Variants in TSPEAR observed in about 807,000 individuals in gnomAD.
TSPEAR encodes the protein thrombospondin-type laminin G domain and EAR repeat-containing protein.
A neutral mutation model predicts 71.6 loss-of-function variants in TSPEAR; 69 were observed. That is an observed-to-expected ratio of 0.96 (90% CI 0.79 to 1.18). The LOEUF (loss-of-function observed/expected upper bound fraction) is 1.18, where lower values mean the gene tolerates loss of function less well. TSPEAR is among the 50% of genes most tolerant of loss of function. TSPEAR has a pLI of 0.00. For synonymous variants in TSPEAR, 402 were observed against 387.2 expected, an observed-to-expected ratio of 1.04 and a Z score of -0.45; for missense variants, 971 against 894.9, an observed-to-expected ratio of 1.09 and a Z score of -1.09.
chr21:44,682,161 G>A (rs782289344), intron 1 of TSPEAR: 5 of 1,602,320 alleles, frequency 3.1e-6, no homozygotes, highest in Non-Finnish European at 4.3e-6. Flanking sequence ...GCAGAGGGCA[G>A]TGATGTCTGG....
chr21:44,533,836 G>A lies in TSPEAR; in HGVS notation c.391C>T (p.Leu131=), dbSNP rs2053027232. The A allele has an allele frequency of 1.9e-6, 3 of 1,612,570 alleles. No individual in the cohort carries two copies. The South Asian group carries it at 3.3e-5, about 18-fold the overall frequency. ...LRLSPAQLHF[L]FLREDTAGAW... is the part of the protein sequence containing the mutation. Reference sequence around the variant, plus strand: ...CCGGCCGTGTCCTCGCGAAGGAACAGGAAGTGCAGCTGGGCAGGTGACAAC... The same window carrying A: ...CCGGCCGTGTCCTCGCGAAGGAACAAGAAGTGCAGCTGGGCAGGTGACAAC... The change falls in exon 3 of 12, where the codon CTG becomes TTG. Residue 131 remains leucine, a synonymous_variant. Transcript: ENST00000323084.
chr21:44,693,882 A>G (rs1987218658), intron 1 of TSPEAR, among the ~76,000 whole-genome samples: 1 of 152,238 alleles, frequency 6.6e-6, no homozygotes, highest in African/African-American at 2.4e-5. Context: ...CTTGTATGTC[A>G]ACATTCTTTG....
chr21:44,626,835 A>T (rs1404730599), intron 1 of TSPEAR, among the ~76,000 whole-genome samples: 1 of 143,188 alleles, frequency 7.0e-6, no homozygotes, highest in Non-Finnish European at 1.5e-5. Flanking sequence ...CATCCCACCC[A>T]CCAGACGCCC....
chr21:44,504,819 A>G lies in TSPEAR; in HGVS notation c.1817T>C (p.Phe606Ser), dbSNP rs781980468. Residue 606 changes from phenylalanine to serine, a missense_variant, in exon 11 of 12, where the codon TTC (phenylalanine) becomes TCC (serine). By Grantham distance (155) the Phe-to-Ser change is radical. Transcript: ENST00000323084. The stretch of plus-strand genomic sequence containing the variant: ...GTTCACCGAGAAGGTACGCCCATCG[A>G]AGGAGTTGGCCACCACCAGGAAATA... Reference protein sequence around the residue: ...EDYFLVVANSFDGRTFSVNSI... With the variant: ...EDYFLVVANSSDGRTFSVNSI... 6.2e-7 allele frequency: 1 copy of G among 1,613,948 alleles called. No homozygotes were observed. Among genetic ancestry groups the G allele is most frequent in the Non-Finnish European group, 8.5e-7 (1 of 1,179,934 alleles).
At chr21:44,645,878 G>C (rs1348993013) in intron 1 of TSPEAR, among the ~76,000 whole-genome samples, 1 of 151,554 alleles carries the variant, frequency 6.6e-6, no homozygotes, top group Non-Finnish European at 1.5e-5. Flanking sequence ...GGTGGCTCAC[G>C]CCTGTAATCC....
rs1197418872 is a variant in TSPEAR at position 44,678,613 on chromosome 21, AAGTCCAATCC to A, written c.82+32810_82+32819del. On this transcript the variant is annotated intron_variant, in intron 1 of 11. Coordinates refer to ENST00000323084, the MANE Select transcript of TSPEAR (RefSeq NM_144991.3). Reference sequence around the variant, plus strand: ...ATACACCTATTCAACATAGTACTGGAAGTCCAATCCAGTGTAATCAGGTAAGAGATAGAAA... The same window carrying A: ...ATACACCTATTCAACATAGTACTGGAAGTGTAATCAGGTAAGAGATAGAAA... Among the ~76,000 whole-genome samples the A allele has an allele frequency of 4.7e-4, 71 of 152,326 alleles. 1 individual carries two copies. The highest frequency in any genetic ancestry group is 1.6e-3 in the African/African-American group (67 of 41,572).
chr21:44,647,158 TCCTCCTCTGTGTC>T, intron 1 of TSPEAR: 6 of 1,613,916 alleles, frequency 3.7e-6, no homozygotes, highest in Non-Finnish European at 5.1e-6. Flanking sequence ...CTGCAGACCC[TCCTCCTCTGTGTC>T]CCTCCTCTGC....
At chr21:44,639,828 AG>A (rs1469044020) in intron 1 of TSPEAR, among the ~76,000 whole-genome samples, 1 of 151,492 alleles carries the variant, frequency 6.6e-6, no homozygotes, top group Non-Finnish European at 1.5e-5. Flanking sequence ...TCCCTGTCCA[AG>A]GCACCGACAG....
intron 1 of TSPEAR, among the ~76,000 whole-genome samples, chr21:44,644,020 T>C (rs1984166136): frequency 6.6e-6 from 1 of 152,238 alleles, no homozygotes; most frequent in African/African-American, 2.4e-5. Context: ...GCAGAAGACC[T>C]GGCCGTGGGC....
intron 1 of TSPEAR, chr21:44,646,385 C>G: frequency 6.5e-7 from 1 of 1,540,034 alleles, no homozygotes; most frequent in Non-Finnish European, 8.8e-7. Flanking sequence ...CCCTGAGCAC[C>G]TCACTCACTC....
chr21:44,661,102 G>GTT (rs1403948654), intron 1 of TSPEAR, among the ~76,000 whole-genome samples: 2 of 151,902 alleles, frequency 1.3e-5, no homozygotes, highest in Non-Finnish European at 2.9e-5. Context: ...GGTGAAACCC[G>GTT]TCTCTACTAA....
At chr21:44,666,939 G>A (rs587628162) in intron 1 of TSPEAR, 188 of 1,566,884 alleles carry the variant, frequency 1.2e-4, no homozygotes, top group Non-Finnish European at 1.5e-4. Flanking sequence ...GTCTGGGGAC[G>A]GCCTCCCTGG....
chr21:44,647,528 C>A (rs1984514600), intron 1 of TSPEAR: 1 of 795,028 alleles, frequency 1.3e-6, no homozygotes, highest in Non-Finnish European at 2.0e-6. Context: ...TGGGAAGAGA[C>A]AACCCACAAA....
intron 2 of TSPEAR, among the ~76,000 whole-genome samples, chr21:44,566,468 C>T (rs233326): frequency 0.22 from 33,837 of 152,034 alleles, 3,890 homozygotes; most frequent in Non-Finnish European, 0.25. Flanking sequence ...TGTCCAATCT[C>T]AAGCTAACTT....
intron 2 of TSPEAR, among the ~76,000 whole-genome samples, chr21:44,555,580 G>A (rs1433990018): frequency 1.3e-5 from 2 of 152,186 alleles, no homozygotes; most frequent in African/African-American, 4.8e-5. Context: ...GGAGATGGGC[G>A]GTGAAGGGCA....
At chr21:44,674,678 C>G (rs1180028289) in intron 1 of TSPEAR, among the ~76,000 whole-genome samples, 1 of 151,356 alleles carries the variant, frequency 6.6e-6, no homozygotes, top group African/African-American at 2.4e-5. Context: ...GACCACACCA[C>G]GACTGGGTCA....
At chr21:44,516,537 C>T (rs1490277734) in intron 9 of TSPEAR, 2 of 152,286 alleles carry the variant, frequency 1.3e-5, no homozygotes, top group East Asian at 1.9e-4. Context: ...TGTACCTCCA[C>T]TAATAAACAC....
intron 1 of TSPEAR, among the ~76,000 whole-genome samples, chr21:44,632,170 G>T (rs1027093555): frequency 8.5e-5 from 13 of 152,090 alleles, no homozygotes; most frequent in Non-Finnish European, 1.3e-4. Flanking sequence ...CATTCAAGAA[G>T]CTCCATGAGC....
intron 2 of TSPEAR, among the ~76,000 whole-genome samples, chr21:44,537,939 G>A (rs1472900352): frequency 2.6e-5 from 4 of 152,224 alleles, no homozygotes; most frequent in Non-Finnish European, 5.9e-5. Context: ...GCTGAGAGCA[G>A]ATCAGGCTGA....
Sources: allele counts gnomAD v4.1 joint callset (sites outside exome capture counted in the v4.1 genomes callset), GRCh38; gene constraint gnomAD v4.1.1; transcripts MANE v1.5; gene names NCBI Gene and HGNC (gene_info 2026-07-23, HGNC 2026-07-21).